The following ATP12A variants were observed in gnomAD, a reference collection of about 807,000 sequenced individuals.
ATP12A encodes potassium-transporting ATPase alpha chain 2.
ATP12A carries 81 observed loss-of-function variants against 111.2 expected under a neutral mutation model. The observed-to-expected ratio is 0.73, with a 90% CI of 0.61 to 0.88. The LOEUF (loss-of-function observed/expected upper bound fraction) is 0.88. Among genes scored for constraint, ATP12A ranks in the 40% least tolerant of loss-of-function variants. ATP12A has a pLI of 0.00. For synonymous variants in ATP12A, 498 were observed against 499.8 expected (o/e 1.00, Z 0.05); for missense variants, 1,196 against 1,313.1 (o/e 0.91, Z 1.38).
chr13:24,707,014 C>G lies in ATP12A; in HGVS notation c.2170-9C>G, dbSNP rs774568073. The stretch of plus-strand genomic sequence containing the variant: ...CACTCCCACTTTCTCCCTGGGTCCC[C>G]CGCCATAGGATGCTGTTGTTGCTGT... On this transcript the variant is annotated splice_polypyrimidine_tract_variant and intron_variant, in intron 15 of 22. Transcript: ENST00000381946. 1 of 1,583,126 alleles carries G rather than the reference C, an allele frequency of 6.3e-7. No homozygotes were observed. The highest frequency in any genetic ancestry group is 1.2e-5 in the South Asian group (1 of 85,752).
chr13:24,708,953 GAAAGAAA>G (rs1566078360), intron 17 of ATP12A, among the ~76,000 whole-genome samples: 35 of 137,556 alleles, frequency 2.5e-4, no homozygotes, highest in African/African-American at 7.5e-4. Flanking sequence ...AAGAAAGAAA[GAAAGAAA>G]GAAGGAAAGA....
chr13:24,710,183 T>A (rs1775535054), intron 19 of ATP12A, among the ~76,000 whole-genome samples: 1 of 152,166 alleles, frequency 6.6e-6, no homozygotes, highest in South Asian at 2.1e-4. Context: ...GGAGGGAGAA[T>A]CACTTGAGCC....
At chr13:24,693,603 C>T (rs1875003421) in intron 10 of ATP12A, among the ~76,000 whole-genome samples, 1 of 152,234 alleles carries the variant, frequency 6.6e-6, no homozygotes, top group African/African-American at 2.4e-5. Flanking sequence ...CTCTGGCTGG[C>T]TGTGTGCTTC....
In ATP12A at chr13:24,680,461, C is replaced by T. The variant is rs1428571664; in HGVS notation, c.-283C>T. 3 of 426,728 alleles carry T rather than the reference C, an allele frequency of 7.0e-6. No homozygotes were observed. The highest frequency in any genetic ancestry group is 1.2e-5 in the Non-Finnish European group (3 of 241,026). 26.4% of individuals were successfully genotyped at this position (426,728 alleles called of 1,614,324 possible). ...CTGTCGGTCCCCCTCCCTGCGCGCG[C>T]GCCGGCGGGTTTCCTACCCTCCGAG... On this transcript the variant is annotated 5_prime_UTR_variant, in exon 1 of 23. Coordinates refer to ENST00000381946, the MANE Select transcript of ATP12A (RefSeq NM_001676.7).
At position 24,706,303 on chromosome 13, in the gene ATP12A, G is replaced by C; in HGVS notation, c.2019-10G>C. ...CTTGGGCCTCACCCAGTTTCTTCTG[G>C]CCCTTCTAGGGATGCCAAGGCCGCT... On this transcript the variant is annotated splice_polypyrimidine_tract_variant and intron_variant, in intron 14 of 22. Coordinates refer to ENST00000381946, the MANE Select transcript of ATP12A (RefSeq NM_001676.7). 6.2e-7 allele frequency: 1 copy of C among 1,613,080 alleles called. No individual in the cohort carries two copies. The highest frequency in any genetic ancestry group is 8.5e-7 in the Non-Finnish European group (1 of 1,179,478).
chr13:24,687,690 T>C (rs1867766), intron 3 of ATP12A, among the ~76,000 whole-genome samples: 35,664 of 152,116 alleles, frequency 0.23, 4,642 homozygotes, highest in East Asian at 0.47. Context: ...TCAAGATGAA[T>C]GAGAACTTAG....
chr13:24,709,292 C>T, intron 17 of ATP12A, 72 bp from the exon 18 acceptor site: 2 of 888,518 alleles, frequency 2.3e-6, no homozygotes, highest in Non-Finnish European at 3.1e-6. Context: ...CCACCCACCC[C>T]AGCCCCCCTC....
chr13:24,710,389 G>T, intron 19 of ATP12A, 71 bp from the exon 20 acceptor site: 2 of 1,575,146 alleles, frequency 1.3e-6, no homozygotes, highest in Non-Finnish European at 1.7e-6. Flanking sequence ...AAGCTTTAGA[G>T]AACTGCATTG....
Position 24,685,390 on chromosome 13 carries a change from A to G in ATP12A, c.228+17A>G, listed in dbSNP as rs1256610274. ...ATCATTATGGTGAGTCGTGGGAACC[A>G]GGGATTTGGAAGAGAAGCCTCCCAA... On this transcript the variant is annotated intron_variant, in intron 3 of 22. Transcript: ENST00000381946. This position sits in a 1 kb window ranked among gnomAD's most constrained non-coding sequence, Gnocchi z 5.5. 6.2e-7 allele frequency: 1 copy of G among 1,612,906 alleles called. No homozygotes were observed.
intron 11 of ATP12A, among the ~76,000 whole-genome samples, chr13:24,695,237 C>T (rs776089478): frequency 2.6e-5 from 4 of 152,226 alleles, no homozygotes; most frequent in East Asian, 3.8e-4. Context: ...TTGGGGAGAC[C>T]GGTGAGCAGC....
At chr13:24,700,213 T>C (rs1329208329) in intron 12 of ATP12A, among the ~76,000 whole-genome samples, 1 of 152,208 alleles carries the variant, frequency 6.6e-6, no homozygotes, top group Non-Finnish European at 1.5e-5. Flanking sequence ...CTTGGGCTTA[T>C]CTTGATCTAG....
At chr13:24,688,735 G>A (rs1262127635) in intron 4 of ATP12A, among the ~76,000 whole-genome samples, 2 of 152,158 alleles carry the variant, frequency 1.3e-5, no homozygotes, top group African/African-American at 4.8e-5. Flanking sequence ...TTTTTAAGGG[G>A]GAGAAAATCT....
intron 11 of ATP12A, among the ~76,000 whole-genome samples, chr13:24,695,600 CTTTTTTTTTTT>C (rs34227271): frequency 1.5e-4 from 13 of 88,418 alleles, no homozygotes; most frequent in Non-Finnish European, 2.5e-4. Flanking sequence ...GGGAAGAACT[CTTTTTTTTTTT>C]TTTTTTTTTT....
intron 13 of ATP12A, 84 bp from the exon 14 acceptor site, chr13:24,701,851 C>T: frequency 1.3e-6 from 2 of 1,562,220 alleles, no homozygotes; most frequent in Non-Finnish European, 1.8e-6. Context: ...CAGGGCACTA[C>T]AGAGTAGGTA....
chr13:24,682,042 GTGTGGTGTGTGTGTA>G (rs1247988467), intron 2 of ATP12A, among the ~76,000 whole-genome samples: 24 of 134,242 alleles, frequency 1.8e-4, no homozygotes, highest in Middle Eastern at 3.9e-3. Context: ...GTGTGTATGT[GTGTGGTGTGTGTGTA>G]TGGTGTGTGT....
At chr13:24,701,851 C>A in intron 13 of ATP12A, 84 bp from the exon 14 acceptor site, 2 of 1,562,220 alleles carry the variant, frequency 1.3e-6, no homozygotes, top group South Asian at 1.1e-5. Context: ...CAGGGCACTA[C>A]AGAGTAGGTA....
At chr13:24,706,949 C>T in intron 15 of ATP12A, 74 bp from the exon 16 acceptor site, 1 of 1,473,236 alleles carries the variant, frequency 6.8e-7, no homozygotes, top group Non-Finnish European at 9.1e-7. Context: ...AAAGGGAAGT[C>T]TTGTTGCTCT....
At chr13:24,680,803 C>G in intron 1 of ATP12A, 51 bp downstream of exon 1, 1 of 1,462,044 alleles carries the variant, frequency 6.8e-7, no homozygotes, top group Non-Finnish European at 9.0e-7. Flanking sequence ...GGGCCAAGGC[C>G]CCGGGGACCG....
In ATP12A at chr13:24,681,582, C is replaced by A. The variant is rs1282998016; in HGVS notation, c.30C>A (p.Ser10=). Residue 10 remains serine (S), a synonymous_variant, in exon 2 of 23, where the codon TCC becomes TCA. Transcript: ENST00000381946. Reference sequence around the variant, plus strand: ...TTCAGAAAACCCCAGAAATTTACTCCGTGGAGCTCAGCGGAACTAAGGACA... The same window carrying A: ...TTCAGAAAACCCCAGAAATTTACTCAGTGGAGCTCAGCGGAACTAAGGACA... MHQKTPEIY[S]VELSGTKDIV... 6.2e-7 allele frequency: 1 copy of A among 1,613,454 alleles called. No homozygotes were observed. Among genetic ancestry groups the A allele is most frequent in the South Asian group, 1.1e-5 (1 of 90,874 alleles).
Sources: allele counts gnomAD v4.1 joint callset (sites outside exome capture counted in the v4.1 genomes callset), GRCh38; gene constraint gnomAD v4.1.1; non-coding constraint Gnocchi (gnomAD v3.1); transcripts MANE v1.5; gene names NCBI Gene and HGNC (gene_info 2026-07-23, HGNC 2026-07-21).